The following RABGAP1L variants were observed in gnomAD, a reference collection of about 807,000 sequenced individuals.
RABGAP1L encodes RAB GTPase activating protein 1 like.
A neutral mutation model predicts 137.7 loss-of-function variants in RABGAP1L; 63 were observed. The ratio of observed to expected loss-of-function variants is 0.46; its 90% CI spans 0.37 to 0.56. The LOEUF is 0.56. Among genes scored for constraint, RABGAP1L ranks in the 20% least tolerant of loss-of-function variants. RABGAP1L has a pLI of 0.00. For synonymous variants in RABGAP1L, 431 were observed against 433.7 expected (o/e 0.99, Z 0.08); for missense variants, 1,095 against 1,244.0 (o/e 0.88, Z 1.80).
At chr1:174,443,806 G>A (rs576013277) in intron 13 of RABGAP1L, among the ~76,000 whole-genome samples, 1 of 152,048 alleles carries the variant, frequency 6.6e-6, no homozygotes, top group Non-Finnish European at 1.5e-5. Context: ...TAGCTGCATA[G>A]TTTCAGGTCT....
chr1:174,666,253 C>T (rs992197788), intron 14 of RABGAP1L, among the ~76,000 whole-genome samples: 9 of 152,154 alleles, frequency 5.9e-5, no homozygotes, highest in Non-Finnish European at 1.3e-4. Context: ...GTGTTTTAGC[C>T]TCATGTTGGT....
Position 174,250,823 on chromosome 1 carries a change from G to A in RABGAP1L, c.875+191G>A, listed in dbSNP as rs1672654263. On this transcript the variant is annotated intron_variant, in intron 6 of 25. Transcript: ENST00000681986. The stretch of plus-strand genomic sequence containing the variant: ...CCTTTTTTTTTTGAGATGGAGTTTC[G>A]CTCTTGTCACCCAGGCTGGAGTGTG... 5.9e-5 allele frequency among the ~76,000 whole-genome samples: 9 copies of A among 151,590 alleles called. No individual in the cohort carries two copies. In the South Asian group the frequency reaches 1.9e-3, roughly 32 times the overall value.
At chr1:174,755,855 C>T (rs964467261) in intron 18 of RABGAP1L, among the ~76,000 whole-genome samples, 9 of 152,100 alleles carry the variant, frequency 5.9e-5, no homozygotes, top group East Asian at 1.9e-4. Flanking sequence ...TTCAGTATAT[C>T]GTGAATATCT....
chr1:174,334,138 C>G (rs11801105), intron 11 of RABGAP1L, among the ~76,000 whole-genome samples: 2 of 152,016 alleles, frequency 1.3e-5, no homozygotes, highest in Admixed American at 1.3e-4. Flanking sequence ...TAAATACTTT[C>G]GCTTCTTTCT....
chr1:174,866,071 G>T (rs1046956801), intron 19 of RABGAP1L, among the ~76,000 whole-genome samples: 1 of 143,726 alleles, frequency 7.0e-6, no homozygotes, highest in African/African-American at 2.6e-5. Context: ...ATGTATCTTT[G>T]AGAGAGAGTG....
intron 11 of RABGAP1L, among the ~76,000 whole-genome samples, chr1:174,334,130 A>T (rs568750139): frequency 2.0e-5 from 3 of 152,168 alleles, no homozygotes; most frequent in Non-Finnish European, 4.4e-5. Context: ...TCTGTCCCTA[A>T]ATACTTTCGC....
chr1:174,834,875 T>C lies in RABGAP1L; in HGVS notation c.2340+22915T>C, dbSNP rs1692572896. Among the ~76,000 whole-genome samples, 3 of 151,832 alleles carry C rather than the reference T, an allele frequency of 2.0e-5. No individual in the cohort carries two copies. In the South Asian group the frequency reaches 6.2e-4, roughly 32 times the overall value. On this transcript the variant is annotated intron_variant, in intron 19 of 25. Transcript: ENST00000681986. ...ACAAAATAAGTGCTGGAAAATGAGGTTGGAGATGAAGCCAGGGACCAGATT... is the reference window on the plus strand; with the variant it reads ...ACAAAATAAGTGCTGGAAAATGAGGCTGGAGATGAAGCCAGGGACCAGATT...
chr1:174,590,029 GA>G (rs1292513406), intron 13 of RABGAP1L, among the ~76,000 whole-genome samples: 5 of 150,642 alleles, frequency 3.3e-5, no homozygotes, highest in Non-Finnish European at 7.4e-5. Flanking sequence ...GGATTACACT[GA>G]ATCTGCACAT....
At chr1:174,919,374 G>A (rs1468047332) in intron 19 of RABGAP1L, among the ~76,000 whole-genome samples, 1 of 152,148 alleles carries the variant, frequency 6.6e-6, no homozygotes, top group African/African-American at 2.4e-5. Context: ...TTCAAAGACA[G>A]GGCTCAGCTG....
chr1:174,588,038 G>T (rs1000172582), intron 13 of RABGAP1L, among the ~76,000 whole-genome samples: 6 of 151,818 alleles, frequency 4.0e-5, no homozygotes, highest in African/African-American at 1.5e-4. Flanking sequence ...TAAGTTTTTT[G>T]TATTTTTAGT....
intron 13 of RABGAP1L, among the ~76,000 whole-genome samples, chr1:174,492,176 C>CTTTT (rs756360090): frequency 3.3e-5 from 4 of 119,982 alleles, no homozygotes; most frequent in African/African-American, 9.8e-5. Context: ...TGTCGAATTA[C>CTTTT]TTTTTTTTTT....
chr1:174,654,652 AGTT>A (rs1299272995), intron 14 of RABGAP1L, among the ~76,000 whole-genome samples: 8 of 152,292 alleles, frequency 5.3e-5, no homozygotes, highest in African/African-American at 1.9e-4. Flanking sequence ...ATGGTGTTCT[AGTT>A]GTTTTACATT....
intron 17 of RABGAP1L, among the ~76,000 whole-genome samples, chr1:174,719,481 G>GA: frequency 6.6e-6 from 1 of 152,260 alleles, no homozygotes; most frequent in Middle Eastern, 3.4e-3. Flanking sequence ...CTAAGTTCAA[G>GA]AAAAGATCCT....
intron 17 of RABGAP1L, among the ~76,000 whole-genome samples, chr1:174,713,426 T>A (rs1405622545): frequency 6.6e-6 from 1 of 152,170 alleles, no homozygotes; most frequent in Non-Finnish European, 1.5e-5. Flanking sequence ...AGGTGAGGCC[T>A]TGTGGGAGGT....
At chr1:174,778,061 T>C (rs1686672227) in intron 18 of RABGAP1L, among the ~76,000 whole-genome samples, 1 of 152,036 alleles carries the variant, frequency 6.6e-6, no homozygotes, top group Non-Finnish European at 1.5e-5. Flanking sequence ...CCCAAGAAGT[T>C]TAGTGAATTC....
At chr1:174,530,831 A>G (rs1301578067) in intron 13 of RABGAP1L, among the ~76,000 whole-genome samples, 2 of 116,682 alleles carry the variant, frequency 1.7e-5, no homozygotes, top group Admixed American at 7.8e-5. Context: ...ACATACATAC[A>G]TACATACGTA....
intron 17 of RABGAP1L, among the ~76,000 whole-genome samples, chr1:174,738,994 AT>A (rs1683173826): frequency 6.6e-6 from 1 of 152,210 alleles, no homozygotes; most frequent in Non-Finnish European, 1.5e-5. Context: ...AACTAAACTA[AT>A]TCTTCCATCT....
intron 11 of RABGAP1L, among the ~76,000 whole-genome samples, chr1:174,340,832 T>G (rs1681908612): frequency 6.6e-6 from 1 of 152,214 alleles, no homozygotes. Context: ...CTTCTAGATC[T>G]TTCGGGAATT....
intron 10 of RABGAP1L, among the ~76,000 whole-genome samples, chr1:174,285,854 T>G (rs961169657): frequency 6.6e-6 from 1 of 152,186 alleles, no homozygotes; most frequent in African/African-American, 2.4e-5. Flanking sequence ...TCATATGATT[T>G]TTATGTTTTA....
Sources: gnomAD v4.1 joint callset for allele counts (sites outside exome capture counted in the v4.1 genomes callset) on GRCh38, gnomAD v4.1.1 for gene constraint, MANE v1.5 for transcripts, NCBI Gene and HGNC (gene_info 2026-07-23, HGNC 2026-07-21) for gene names.